Variants in OSBPL8 observed in about 807,000 individuals in gnomAD.
OSBPL8 encodes the protein oxysterol-binding protein-related protein 8.
Under a neutral mutation model 125.5 loss-of-function variants are expected in OSBPL8, and 59 were observed. The observed-to-expected ratio is 0.47, with a 90% confidence interval of 0.38 to 0.58. The LOEUF (loss-of-function observed/expected upper bound fraction) is 0.58, where lower values mean the gene tolerates loss of function less well. Among genes scored for constraint, OSBPL8 ranks in the 20% least tolerant of loss-of-function variants. OSBPL8 has a pLI of 0.00. For missense variants in OSBPL8, 758 were observed against 1,047.8 expected (o/e 0.72, Z 3.82); for synonymous variants, 330 against 338.9 (o/e 0.97, Z 0.29).
chr12:76,558,936 T>C (rs1021652458), intron 1 of OSBPL8, among the ~76,000 whole-genome samples: 1 of 152,202 alleles, frequency 6.6e-6, no homozygotes, highest in African/African-American at 2.4e-5. Flanking sequence ...ACCGTGTCGC[T>C]TGGCTCTGCA....
At chr12:76,512,488 T>C (rs1470990461) in intron 1 of OSBPL8, among the ~76,000 whole-genome samples, 1 of 152,192 alleles carries the variant, frequency 6.6e-6, no homozygotes, top group Non-Finnish European at 1.5e-5. Context: ...AAAGACCAGA[T>C]GGTTGTAGGT....
intron 1 of OSBPL8, among the ~76,000 whole-genome samples, chr12:76,549,943 A>T (rs1395939795): frequency 6.6e-6 from 1 of 151,536 alleles, no homozygotes; most frequent in East Asian, 1.9e-4. Context: ...AGGAAAAAAA[A>T]ATATGTATAA....
At chr12:76,481,456 C>T (rs769409001) in intron 2 of OSBPL8, among the ~76,000 whole-genome samples, 3 of 151,764 alleles carry the variant, frequency 2.0e-5, no homozygotes, top group East Asian at 1.9e-4. Flanking sequence ...CAAGACCCTG[C>T]GTCTATTAAA....
At chr12:76,452,243 C>T (rs1002790353) in intron 3 of OSBPL8, among the ~76,000 whole-genome samples, 3 of 152,176 alleles carry the variant, frequency 2.0e-5, no homozygotes, top group African/African-American at 7.2e-5. Context: ...TTTTCTGTTG[C>T]GATAGTTTTC....
intron 4 of OSBPL8, among the ~76,000 whole-genome samples, chr12:76,425,183 T>C (rs528798296): frequency 1.3e-5 from 2 of 152,296 alleles, no homozygotes; most frequent in East Asian, 3.9e-4. Context: ...AGCCAAACTA[T>C]CAATTACATA....
chr12:76,441,735 G>T (rs1427339941), intron 4 of OSBPL8, among the ~76,000 whole-genome samples: 2 of 151,718 alleles, frequency 1.3e-5, no homozygotes, highest in Non-Finnish European at 2.9e-5. Context: ...AAATCAAAAC[G>T]ATTGAACCCA....
intron 1 of OSBPL8, among the ~76,000 whole-genome samples, chr12:76,515,770 G>T (rs1005653388): frequency 6.6e-6 from 1 of 151,944 alleles, no homozygotes; most frequent in Non-Finnish European, 1.5e-5. Context: ...TTCTCCATGG[G>T]TAGAGTTGTT....
intron 1 of OSBPL8, among the ~76,000 whole-genome samples, chr12:76,533,009 T>C (rs1950389886): frequency 6.6e-6 from 1 of 152,206 alleles, no homozygotes. Context: ...CCTAAATTGA[T>C]ATAGGTACTA....
intron 4 of OSBPL8, among the ~76,000 whole-genome samples, chr12:76,447,947 A>G (rs1373673804): frequency 6.6e-6 from 1 of 152,236 alleles, no homozygotes; most frequent in Non-Finnish European, 1.5e-5. Flanking sequence ...AATAAGATGT[A>G]TGGACTTTAT....
At chr12:76,544,820 T>C (rs887522653) in intron 1 of OSBPL8, among the ~76,000 whole-genome samples, 3 of 151,926 alleles carry the variant, frequency 2.0e-5, no homozygotes, top group Admixed American at 6.6e-5. Context: ...TGACTGAACA[T>C]GTTACTTAAA....
chr12:76,375,229 G>T, intron 17 of OSBPL8, 44 bp downstream of exon 17: 3 of 1,286,834 alleles, frequency 2.3e-6, no homozygotes, highest in South Asian at 1.3e-5. Context: ...TTTATTGTAT[G>T]GCTCTCCTTT....
At chr12:76,366,118 T>C (rs1015816359) in intron 21 of OSBPL8, among the ~76,000 whole-genome samples, 2 of 152,248 alleles carry the variant, frequency 1.3e-5, no homozygotes, top group African/African-American at 4.8e-5. Flanking sequence ...TTAGGAAATG[T>C]TCCCATCTCT....
intron 16 of OSBPL8, among the ~76,000 whole-genome samples, chr12:76,376,375 A>C (rs1487111524): frequency 1.3e-5 from 2 of 152,222 alleles, no homozygotes; most frequent in African/African-American, 4.8e-5. Context: ...AATGTTTCTC[A>C]AATTTATTTG....
chr12:76,386,845 G>T (rs1044912720), intron 12 of OSBPL8, among the ~76,000 whole-genome samples, 185 bp from the exon 13 acceptor site: 2 of 151,976 alleles, frequency 1.3e-5, no homozygotes, highest in African/African-American at 4.8e-5. Flanking sequence ...TCTTAACCTG[G>T]TCACATTTTC....
chr12:76,437,771 T>A (rs932274148), intron 4 of OSBPL8, among the ~76,000 whole-genome samples: 12 of 152,184 alleles, frequency 7.9e-5, no homozygotes, highest in African/African-American at 2.9e-4. Flanking sequence ...ATGTTGAATT[T>A]TCCTATCGTA....
In OSBPL8 at chr12:76,356,692, C is replaced by A; in HGVS notation, c.2471G>T (p.Gly824Val). 1 of 1,609,168 alleles carries A rather than the reference C, an allele frequency of 6.2e-7. No homozygotes were observed. Among genetic ancestry groups the A allele is most frequent in the Non-Finnish European group, 8.5e-7 (1 of 1,177,498 alleles). ...ACTCTGAATGTCTCCCAGTTCTATT[C>A]CTTTCTTTCTTCTTGTACTTGGTTT... ...SVKPSTRRKKGIELGDIQSSI... is the reference protein window; with the variant it reads ...SVKPSTRRKKVIELGDIQSSI... Residue 824 changes from glycine to valine, a missense_variant, in exon 23 of 24, where the codon GGA (glycine) becomes GTA (valine). This residue lies in a region of OSBPL8 where 572 missense variants were observed against 762.0 expected (regional missense o/e 0.75). Coordinates refer to ENST00000261183, the MANE Select transcript of OSBPL8 (RefSeq NM_020841.5).
chr12:76,445,486 AATG>A (rs1872635118), intron 4 of OSBPL8, among the ~76,000 whole-genome samples: 1 of 152,176 alleles, frequency 6.6e-6, no homozygotes, highest in African/African-American at 2.4e-5. Context: ...TGGCTATCAA[AATG>A]ATATTAAAAT....
Position 76,390,555 on chromosome 12 carries a change from A to C in OSBPL8, c.1032T>G (p.Asn344Lys). 2 of 1,613,634 alleles carry C rather than the reference A, an allele frequency of 1.2e-6. No homozygotes were observed. The highest frequency in any genetic ancestry group is 1.7e-6 in the Non-Finnish European group (2 of 1,179,704). ...TTTCTTCACTTTTCCCCATCACCTC[A>C]TTATCAGACTCATCATGTTCTTGAT... is the stretch of plus-strand genomic sequence containing the variant. ...ENDQEHDESD[N>K]EVMGKSEESD... The change falls in exon 11 of 24, where the codon AAT becomes AAG. Residue 344 changes from asparagine to lysine, a missense_variant. Around this residue, in one of 3 missense-constraint regions of OSBPL8, gnomAD observed 572 missense variants for 762.0 expected, o/e 0.75. Coordinates refer to ENST00000261183, the MANE Select transcript of OSBPL8 (RefSeq NM_020841.5).
chr12:76,391,248 T>C (rs1953544025), intron 10 of OSBPL8, among the ~76,000 whole-genome samples: 1 of 152,130 alleles, frequency 6.6e-6, no homozygotes, highest in Non-Finnish European at 1.5e-5. Context: ...GAATTAAAAA[T>C]GAAAATTTCA....
Sources: allele counts gnomAD v4.1 joint callset (sites outside exome capture counted in the v4.1 genomes callset), GRCh38; gene constraint gnomAD v4.1.1; regional missense constraint gnomAD v4.1.1; transcripts MANE v1.5; gene names NCBI Gene and HGNC (gene_info 2026-07-23, HGNC 2026-07-21).